IL23R: variants seen among roughly 807,000 people sequenced by gnomAD.
IL23R encodes the protein interleukin 23 receptor.
Under a neutral mutation model 56.9 loss-of-function variants are expected in IL23R, and 34 were observed. The ratio of observed to expected loss-of-function variants is 0.60; its 90% CI spans 0.45 to 0.80. The LOEUF (loss-of-function observed/expected upper bound fraction) is 0.80. Ranked by LOEUF, IL23R falls within the 30% of genes least tolerant of loss-of-function variation. IL23R has a pLI of 0.00. For missense variants in IL23R, 635 were observed against 730.0 expected, an observed-to-expected ratio of 0.87 and a Z score of 1.50; for synonymous variants, 230 against 249.2, an observed-to-expected ratio of 0.92 and a Z score of 0.73.
intron 7 of IL23R, among the ~76,000 whole-genome samples, chr1:67,220,592 G>A (rs1444400802): frequency 6.6e-6 from 1 of 152,058 alleles, no homozygotes; most frequent in Non-Finnish European, 1.5e-5. Flanking sequence ...GGGAGGCTGG[G>A]TACGCTGGTT....
intron 6 of IL23R, among the ~76,000 whole-genome samples, chr1:67,213,594 C>T (rs1057322466): frequency 6.6e-6 from 1 of 152,120 alleles, no homozygotes; most frequent in Non-Finnish European, 1.5e-5. Context: ...AAATTTCTGT[C>T]ACCTAGTGAT....
intron 4 of IL23R, among the ~76,000 whole-genome samples, chr1:67,194,995 T>A (rs1648026800): frequency 6.6e-6 from 1 of 152,244 alleles, no homozygotes; most frequent in Non-Finnish European, 1.5e-5. Flanking sequence ...AAAAGTTTCA[T>A]TTGTATTCTT....
intron 2 of IL23R, 114 bp downstream of exon 2, chr1:67,168,304 C>T (rs1570773456): frequency 2.3e-6 from 2 of 866,770 alleles, no homozygotes; most frequent in Non-Finnish European, 3.9e-6. Context: ...TATTATTAGA[C>T]TAGAAAAAAT....
intron 3 of IL23R, among the ~76,000 whole-genome samples, chr1:67,179,739 T>C (rs1647063960): frequency 6.6e-6 from 1 of 152,220 alleles, no homozygotes; most frequent in Non-Finnish European, 1.5e-5. Flanking sequence ...CTTTCCTGCT[T>C]TCTCTTGTGG....
intron 3 of IL23R, among the ~76,000 whole-genome samples, chr1:67,171,400 G>A (rs1005821008): frequency 5.3e-5 from 8 of 152,254 alleles, no homozygotes; most frequent in South Asian, 4.1e-4. Flanking sequence ...TCCTGGAGGT[G>A]TTTAAGTTAC....
chr1:67,190,655 A>G (rs1647673497), intron 4 of IL23R, among the ~76,000 whole-genome samples: 1 of 152,214 alleles, frequency 6.6e-6, no homozygotes, highest in Non-Finnish European at 1.5e-5. Flanking sequence ...GCAAATATTT[A>G]TTTAGCATTT....
intron 9 of IL23R, among the ~76,000 whole-genome samples, chr1:67,251,195 G>C (rs1179971162): frequency 1.3e-5 from 2 of 152,196 alleles, no homozygotes; most frequent in African/African-American, 4.8e-5. Context: ...GCTCATGCCT[G>C]TAATTCCAGC....
At chr1:67,149,293 C>T (rs1181277287) in intron 1 of IL23R, among the ~76,000 whole-genome samples, 1 of 152,090 alleles carries the variant, frequency 6.6e-6, no homozygotes, top group Non-Finnish European at 1.5e-5. Flanking sequence ...GAGTTGTTAG[C>T]CTCGTTGGCC....
intron 1 of IL23R, among the ~76,000 whole-genome samples, chr1:67,142,539 C>T (rs1306057555): frequency 1.3e-5 from 2 of 152,222 alleles, no homozygotes; most frequent in East Asian, 1.9e-4. Context: ...ATAAATACAG[C>T]AACACAGAAA....
downstream of IL23R, chr1:67,260,064 A>G (rs1265317905): frequency 1.3e-5 from 2 of 151,944 alleles, no homozygotes; most frequent in African/African-American, 4.8e-5. Context: ...TCTCTTGAGT[A>G]GATAAAAATA....
intron 3 of IL23R, among the ~76,000 whole-genome samples, chr1:67,182,276 GGCTCCACCCAGTTCGA>G (rs996558055): frequency 6.6e-6 from 1 of 152,198 alleles, no homozygotes; most frequent in Non-Finnish European, 1.5e-5. Context: ...AGCTGCAGTG[GGCTCCACCCAGTTCGA>G]GCTTCCCAGC....
chr1:67,152,843 G>T (rs930403393), intron 1 of IL23R, among the ~76,000 whole-genome samples: 2 of 152,090 alleles, frequency 1.3e-5, no homozygotes, highest in Non-Finnish European at 2.9e-5. Context: ...TCCTGGATTC[G>T]GTTTGCCAGT....
rs562842287 is a variant in IL23R at position 67,200,781 on chromosome 1, T to C, written c.536T>C (p.Ile179Thr). The change falls in exon 5 of 11, where the codon ATT becomes ACT. Residue 179 changes from isoleucine to threonine, a missense_variant. Coordinates refer to ENST00000347310, the MANE Select transcript of IL23R (RefSeq NM_144701.3). ...EEQQYLTSSY[I>T]NISTDSLQGG... ...CAACAGTATCTCACCTCAAGCTATA[T>C]TAACATCTCCACTGATTCATTACAA... The C allele has an allele frequency of 9.3e-6, 15 of 1,614,100 alleles. No individual in the cohort carries two copies. In the South Asian group the frequency reaches 1.5e-4, roughly 17 times the overall value.
intron 9 of IL23R, among the ~76,000 whole-genome samples, chr1:67,249,220 T>C (rs961330694): frequency 6.6e-6 from 1 of 152,236 alleles, no homozygotes; most frequent in African/African-American, 2.4e-5. Context: ...TGGTTAGCAG[T>C]CTTATAAACC....
intron 4 of IL23R, among the ~76,000 whole-genome samples, chr1:67,188,858 A>T (rs2102598562): frequency 6.6e-6 from 1 of 152,260 alleles, no homozygotes; most frequent in South Asian, 2.1e-4. Flanking sequence ...CACTTTCTAA[A>T]GGCCCCACCT....
Position 67,189,221 on chromosome 1 carries a change from A to G in IL23R, c.491+6262A>G, listed in dbSNP as rs548119698. 2.6e-5 allele frequency among the ~76,000 whole-genome samples: 4 copies of G among 152,208 alleles called. No homozygotes were observed. The South Asian group carries it at 8.3e-4, about 32-fold the overall frequency. The stretch of plus-strand genomic sequence containing the variant: ...ATTTTTGTTTGATTTTTTCATTGCT[A>G]TGTTGATTGAATCTAGAATGGGGCC... On this transcript the variant is annotated intron_variant, in intron 4 of 10. Transcript: ENST00000347310.
chr1:67,150,127 A>T (rs1379718222), intron 1 of IL23R, among the ~76,000 whole-genome samples: 1 of 152,056 alleles, frequency 6.6e-6, no homozygotes, highest in Non-Finnish European at 1.5e-5. Context: ...TTGTGGCTTT[A>T]AATTCCATCT....
At position 67,143,734 on chromosome 1, in the gene IL23R, A is replaced by T. The variant is rs530657889; in HGVS notation, c.-634+4573A>T. Among the ~76,000 whole-genome samples, 16 of 152,344 alleles carry T rather than the reference A, an allele frequency of 1.1e-4. No individual in the cohort carries two copies. In the South Asian group the frequency reaches 2.9e-3, roughly 28 times the overall value. ...CAGAGAGACACAGGTGCTTGAAGTA[A>T]GATGCCTTTGCATGTAAAAAATTTT... On this transcript the variant is annotated intron_variant, in intron 1 of 10. Transcript: ENST00000637002.
chr1:67,165,218 A>G (rs186240536), upstream of IL23R, among the ~76,000 whole-genome samples: 1 of 152,300 alleles, frequency 6.6e-6, no homozygotes, highest in East Asian at 1.9e-4. Flanking sequence ...CAAAACAAAA[A>G]CAAAAACAAC....
Sources: allele counts gnomAD v4.1 joint callset (sites outside exome capture counted in the v4.1 genomes callset), GRCh38; gene constraint gnomAD v4.1.1; transcripts MANE v1.5; gene names NCBI Gene and HGNC (gene_info 2026-07-23, HGNC 2026-07-21).